Variants in ADGRB3 observed in about 807,000 individuals in gnomAD.
ADGRB3 encodes the protein adhesion G protein-coupled receptor B3.
ADGRB3 carries 37 observed loss-of-function variants against 193.4 expected under a neutral mutation model. That is an observed-to-expected ratio of 0.19 (90% CI 0.15 to 0.25). The LOEUF (loss-of-function observed/expected upper bound fraction) is 0.25, where lower values mean the gene tolerates loss of function less well. Among genes scored for constraint, ADGRB3 ranks in the 10% least tolerant of loss-of-function variants. The pLI is 1.00. For missense variants in ADGRB3, 1,637 were observed against 1,852.9 expected (o/e 0.88, Z 2.14); for synonymous variants, 690 against 644.2 (o/e 1.07, Z -1.08).
At chr6:69,364,002 T>C (rs1477640410) in intron 29 of ADGRB3, among the ~76,000 whole-genome samples, 1 of 151,920 alleles carries the variant, frequency 6.6e-6, no homozygotes, top group African/African-American at 2.4e-5. Context: ...AAATGGTAAA[T>C]AATGTGGATC....
chr6:68,896,020 A>T (rs146972514), intron 3 of ADGRB3, among the ~76,000 whole-genome samples: 1 of 152,114 alleles, frequency 6.6e-6, no homozygotes, highest in Non-Finnish European at 1.5e-5. Context: ...TAAAATTTTG[A>T]TAAGAACACA....
chr6:69,208,402 A>C (rs1397882324), intron 17 of ADGRB3, among the ~76,000 whole-genome samples: 1 of 152,228 alleles, frequency 6.6e-6, no homozygotes, highest in Non-Finnish European at 1.5e-5. Flanking sequence ...CTGACCATTC[A>C]GCCAAACCAT....
intron 13 of ADGRB3, among the ~76,000 whole-genome samples, chr6:69,028,491 G>T (rs1048373367): frequency 1.3e-5 from 2 of 151,970 alleles, no homozygotes; most frequent in African/African-American, 4.8e-5. Context: ...TATAACCCTG[G>T]ACTTTAATGT....
At chr6:69,312,613 A>G (rs1279435865) in intron 20 of ADGRB3, among the ~76,000 whole-genome samples, 1 of 151,674 alleles carries the variant, frequency 6.6e-6, no homozygotes, top group Non-Finnish European at 1.5e-5. Flanking sequence ...AGGTATGTAG[A>G]GAGGTCTGAG....
At chr6:69,063,962 A>T (rs3778235) in intron 16 of ADGRB3, among the ~76,000 whole-genome samples, 2 of 151,840 alleles carry the variant, frequency 1.3e-5, no homozygotes, top group African/African-American at 4.8e-5. Context: ...AGTTTTTATG[A>T]AGTTGACCTT....
intron 3 of ADGRB3, among the ~76,000 whole-genome samples, chr6:68,646,120 A>G (rs1178455573): frequency 1.3e-5 from 2 of 152,356 alleles, no homozygotes; most frequent in East Asian, 1.9e-4. Flanking sequence ...TATCATTTGT[A>G]TAAAATAAAA....
intron 20 of ADGRB3, among the ~76,000 whole-genome samples, chr6:69,297,386 C>CTCTA (rs1767849494): frequency 7.2e-6 from 1 of 139,030 alleles, no homozygotes; most frequent in African/African-American, 2.8e-5. Flanking sequence ...CTCTCTCTCT[C>CTCTA]TCTCTATCTC....
chr6:69,003,127 C>T (rs935547221), intron 11 of ADGRB3, among the ~76,000 whole-genome samples: 14 of 152,148 alleles, frequency 9.2e-5, no homozygotes, highest in African/African-American at 3.4e-4. Flanking sequence ...ATGTCAAGTA[C>T]TTACTCAGTA....
chr6:69,249,361 G>GA (rs200884600), intron 20 of ADGRB3, among the ~76,000 whole-genome samples: 2 of 152,052 alleles, frequency 1.3e-5, no homozygotes, highest in Non-Finnish European at 2.9e-5. Context: ...TAAAACTATG[G>GA]AAAAAACCAT....
At chr6:69,097,416 G>A (rs1332695170) in intron 17 of ADGRB3, among the ~76,000 whole-genome samples, 1 of 152,058 alleles carries the variant, frequency 6.6e-6, no homozygotes, top group Admixed American at 6.6e-5. Context: ...GGTGATCTTT[G>A]AGGATTACAA....
intron 3 of ADGRB3, among the ~76,000 whole-genome samples, chr6:68,835,643 G>GT (rs1157659526): frequency 2.0e-5 from 3 of 151,142 alleles, no homozygotes; most frequent in South Asian, 2.1e-4. Flanking sequence ...GCCCTTACAT[G>GT]TTTTTTTTAG....
At chr6:69,264,804 A>G (rs1193350548) in intron 20 of ADGRB3, among the ~76,000 whole-genome samples, 1 of 151,878 alleles carries the variant, frequency 6.6e-6, no homozygotes, top group African/African-American at 2.4e-5. Context: ...AAGTGTATCT[A>G]TTTGTCTGTA....
At chr6:69,259,039 T>C (rs1485362553) in intron 20 of ADGRB3, among the ~76,000 whole-genome samples, 1 of 152,194 alleles carries the variant, frequency 6.6e-6, no homozygotes, top group Admixed American at 6.5e-5. Flanking sequence ...GCATGTCAAA[T>C]AAGGATAAGA....
chr6:69,133,036 G>T (rs1209319216), intron 17 of ADGRB3, among the ~76,000 whole-genome samples: 1 of 152,100 alleles, frequency 6.6e-6, no homozygotes, highest in East Asian at 1.9e-4. Context: ...TTGCCTTGTG[G>T]TATAATTTGA....
chr6:69,072,420 T>C (rs1772102262), intron 16 of ADGRB3, among the ~76,000 whole-genome samples: 1 of 152,186 alleles, frequency 6.6e-6, no homozygotes, highest in Non-Finnish European at 1.5e-5. Flanking sequence ...TGGAAAAAGA[T>C]TAGAAGAAGC....
chr6:69,317,519 A>C (rs1768339695), intron 20 of ADGRB3, among the ~76,000 whole-genome samples: 1 of 151,454 alleles, frequency 6.6e-6, no homozygotes. Context: ...TCGATTTTTC[A>C]ACCAACCATT....
At chr6:69,134,711 C>T (rs1774103563) in intron 17 of ADGRB3, among the ~76,000 whole-genome samples, 1 of 151,308 alleles carries the variant, frequency 6.6e-6, no homozygotes, top group Admixed American at 6.6e-5. Flanking sequence ...AATTAGAGAA[C>T]CTTAGGTGTG....
chr6:68,828,333 T>C (rs1767888284), intron 3 of ADGRB3, among the ~76,000 whole-genome samples: 1 of 152,334 alleles, frequency 6.6e-6, no homozygotes, highest in East Asian at 1.9e-4. Flanking sequence ...CTGAAGAAGA[T>C]GTTCTAGCAC....
chr6:69,229,169 T>G (rs1267151608), intron 17 of ADGRB3, among the ~76,000 whole-genome samples: 1 of 152,156 alleles, frequency 6.6e-6, no homozygotes, highest in African/African-American at 2.4e-5. Flanking sequence ...TTCTCAATAT[T>G]TGCAATGTCT....
Sources: gnomAD v4.1 joint callset for allele counts (sites outside exome capture counted in the v4.1 genomes callset) on GRCh38, gnomAD v4.1.1 for gene constraint, MANE v1.5 for transcripts, NCBI Gene and HGNC (gene_info 2026-07-23, HGNC 2026-07-21) for gene names.